SLC8A1: variants seen among roughly 807,000 people sequenced by gnomAD.
SLC8A1 encodes the protein sodium/calcium exchanger 1.
SLC8A1 carries 18 observed loss-of-function variants against 68.3 expected under a neutral mutation model. The observed-to-expected ratio is 0.26, with a 90% CI of 0.18 to 0.39. The LOEUF (loss-of-function observed/expected upper bound fraction) is 0.39. Among genes scored for constraint, SLC8A1 ranks in the 10% least tolerant of loss-of-function variants. The pLI is 1.00. For missense variants in SLC8A1, 985 were observed against 1,156.7 expected (o/e 0.85, Z 2.15); for synonymous variants, 475 against 415.5 (o/e 1.14, Z -1.74).
intron 2 of SLC8A1, among the ~76,000 whole-genome samples, chr2:40,353,326 A>G (rs1671690818): frequency 6.6e-6 from 1 of 152,110 alleles, no homozygotes; most frequent in Non-Finnish European, 1.5e-5. Context: ...CAATCTTCCT[A>G]CAGCCCTCGC....
At chr2:40,455,961 A>G (rs991713509), upstream of SLC8A1, among the ~76,000 whole-genome samples, 2 of 149,120 alleles carry the variant, frequency 1.3e-5, no homozygotes, top group Non-Finnish European at 3.0e-5. Context: ...TCGCCAATGA[A>G]TTTGTCACAG....
intron 2 of SLC8A1, among the ~76,000 whole-genome samples, chr2:40,207,936 C>T (rs1290305108): frequency 6.6e-6 from 1 of 152,064 alleles, no homozygotes; most frequent in African/African-American, 2.4e-5. Context: ...TATGCTGCAG[C>T]TCTGGGAAGT....
chr2:40,431,821 T>C (rs918887110), intron 1 of SLC8A1, among the ~76,000 whole-genome samples: 2 of 152,132 alleles, frequency 1.3e-5, no homozygotes, highest in Non-Finnish European at 2.9e-5. Context: ...TGGCTTATAC[T>C]GCAAACTGCA....
intron 2 of SLC8A1, among the ~76,000 whole-genome samples, chr2:40,422,040 T>G (rs1323765604): frequency 6.6e-6 from 1 of 152,056 alleles, no homozygotes; most frequent in African/African-American, 2.4e-5. Flanking sequence ...GACAGCAGCT[T>G]GAGTCCTGCC....
chr2:40,336,434 T>C (rs992715205), intron 2 of SLC8A1, among the ~76,000 whole-genome samples: 3 of 152,200 alleles, frequency 2.0e-5, no homozygotes, highest in Non-Finnish European at 2.9e-5. Flanking sequence ...AGAATATCCA[T>C]TTTATACATG....
At chr2:40,375,599 T>C (rs1299815447) in intron 2 of SLC8A1, among the ~76,000 whole-genome samples, 1 of 152,134 alleles carries the variant, frequency 6.6e-6, no homozygotes, top group Non-Finnish European at 1.5e-5. Flanking sequence ...TAAAGTTGGC[T>C]AAGAGTGGTC....
intron 2 of SLC8A1, among the ~76,000 whole-genome samples, chr2:40,286,168 G>A (rs1192985339): frequency 6.6e-6 from 1 of 152,106 alleles, no homozygotes; most frequent in Non-Finnish European, 1.5e-5. Context: ...CTACTCTGGT[G>A]CCTGCTGCAG....
chr2:40,205,888 A>C (rs1394109723), intron 2 of SLC8A1, among the ~76,000 whole-genome samples: 2 of 151,874 alleles, frequency 1.3e-5, no homozygotes, highest in African/African-American at 4.8e-5. Context: ...GCTGTGTATA[A>C]CTGGCCCATG....
rs764872166 is a variant in SLC8A1, at chr2:40,131,438, G to A, written c.2437+7963C>T. ...GATGGAATTAATCTGATTCCCTGCT[G>A]TCCTTCAAGGGAGCTCAGAATTCAG... On this transcript the variant is annotated intron_variant, in intron 7 of 7. Transcript: ENST00000406785. Among the ~76,000 whole-genome samples the A allele has an allele frequency of 2.6e-5, 4 of 152,304 alleles. No individual in the cohort carries two copies. In the South Asian group the frequency reaches 8.3e-4, roughly 32 times the overall value.
At chr2:40,270,931 G>A (rs533638857) in intron 2 of SLC8A1, among the ~76,000 whole-genome samples, 2 of 152,108 alleles carry the variant, frequency 1.3e-5, no homozygotes, top group South Asian at 2.1e-4. Flanking sequence ...TTTTCCTAAC[G>A]CCCTCTTTCA....
chr2:40,117,610 C>T lies in SLC8A1; in HGVS notation c.2438-1981G>A, dbSNP rs147638183. Among the ~76,000 whole-genome samples the T allele has an allele frequency of 1.2e-3, 181 of 151,546 alleles. 2 individuals carry two copies. Among genetic ancestry groups the T allele is most frequent in the Non-Finnish European group, 1.1e-3 (72 of 67,890 alleles). On this transcript the variant is annotated intron_variant, in intron 7 of 7. Coordinates refer to ENST00000406785, the Ensembl canonical transcript of SLC8A1. The stretch of plus-strand genomic sequence containing the variant: ...ATAAAGTCCTTTCAGCTACCTTGCA[C>T]AGTAGGATTATAGCAGATATTAATA...
At chr2:40,277,099 G>A (rs1000029411) in intron 2 of SLC8A1, among the ~76,000 whole-genome samples, 1 of 152,306 alleles carries the variant, frequency 6.6e-6, no homozygotes, top group East Asian at 1.9e-4. Context: ...AATAGAGGAA[G>A]AGAAAGTTAC....
intron 2 of SLC8A1, among the ~76,000 whole-genome samples, chr2:40,253,796 C>T (rs138283413): frequency 0.023 from 3,232 of 143,630 alleles, 56 homozygotes; most frequent in Non-Finnish European, 0.034. Context: ...CATTGCACTC[C>T]AGCCTGTGCA....
At chr2:40,306,045 T>C (rs1428582400) in intron 2 of SLC8A1, among the ~76,000 whole-genome samples, 1 of 152,184 alleles carries the variant, frequency 6.6e-6, no homozygotes, top group African/African-American at 2.4e-5. Flanking sequence ...GGAGGATGAA[T>C]GTATTTCCAA....
intron 2 of SLC8A1, among the ~76,000 whole-genome samples, chr2:40,347,202 A>ATAGCTCACT (rs1420392272): frequency 2.0e-5 from 3 of 152,186 alleles, no homozygotes; most frequent in Non-Finnish European, 4.4e-5. Flanking sequence ...TGGTGCAATC[A>ATAGCTCACT]TAGCTCACTG....
chr2:40,508,120 G>C (rs1473558729), intron 1 of SLC8A1, among the ~76,000 whole-genome samples: 1 of 151,904 alleles, frequency 6.6e-6, no homozygotes, highest in Non-Finnish European at 1.5e-5. Flanking sequence ...CAAGCTGCTG[G>C]GCAGATTAAG....
chr2:40,230,121 T>G (rs991604735), intron 2 of SLC8A1, among the ~76,000 whole-genome samples: 1 of 152,140 alleles, frequency 6.6e-6, no homozygotes, highest in Non-Finnish European at 1.5e-5. Flanking sequence ...TTGGGAGCTT[T>G]TTCTTAGGCT....
chr2:40,495,463 T>C (rs1297311279), intron 1 of SLC8A1, among the ~76,000 whole-genome samples: 3 of 152,052 alleles, frequency 2.0e-5, no homozygotes, highest in Non-Finnish European at 2.9e-5. Flanking sequence ...TTATGCCTCC[T>C]TATGTTTTCA....
chr2:40,263,111 A>G (rs981262147), intron 2 of SLC8A1, among the ~76,000 whole-genome samples: 1 of 152,246 alleles, frequency 6.6e-6, no homozygotes, highest in Non-Finnish European at 1.5e-5. Flanking sequence ...AGCAGAGTGA[A>G]AAGCATGGGC....
Sources: gnomAD v4.1 joint callset for allele counts (sites outside exome capture counted in the v4.1 genomes callset) on GRCh38, gnomAD v4.1.1 for gene constraint, MANE v1.5 for transcripts, NCBI Gene and HGNC (gene_info 2026-07-23, HGNC 2026-07-21) for gene names.